Variants in PRX observed in about 807,000 individuals in gnomAD.
PRX encodes the protein periaxin.
In PRX, 24 loss-of-function variants were observed where a neutral mutation model predicts 29.6. That is an observed-to-expected ratio of 0.81 (90% CI 0.59 to 1.14). PRX has a LOEUF of 1.14. Among genes scored for constraint, PRX ranks in the 50% most tolerant of loss-of-function variants. The pLI is 0.00. For synonymous variants in PRX, 772 were observed against 831.7 expected (o/e 0.93, Z 1.24); for missense variants, 1,838 against 1,926.4 (o/e 0.95, Z 0.86).
chr19:40,398,727 C>A lies in PRX; in HGVS notation c.274G>T (p.Val92Phe). 6.2e-7 allele frequency: 1 copy of A among 1,614,096 alleles called. No homozygotes were observed. The highest frequency in any genetic ancestry group is 8.5e-7 in the Non-Finnish European group (1 of 1,179,974). The change falls in exon 6 of 7, where the codon GTC (valine) becomes TTC (phenylalanine). Residue 92 changes from valine to phenylalanine, a missense_variant. Around this residue, in one of 3 missense-constraint regions of PRX, gnomAD observed 666 missense variants for 665.0 expected, o/e 1.00. Transcript: ENST00000324001. The surrounding 1 kb of genome is among the most constrained non-coding windows in gnomAD (Gnocchi z 6.3). ...ACAGTGCGCTTCAGGCAGAAGGAGA[C>A]TTTGTAAGGCTCGGCGCATTGCAGC... ...RLLQCAEPYK[V>F]SFCLKRTVPT... is the part of the protein sequence containing the mutation.
chr19:40,395,378 A>G lies in PRX; in HGVS notation c.2974T>C (p.Ser992Pro), dbSNP rs1439399777. Residue 992 changes from serine (S) to proline (P), a missense_variant, in exon 7 of 7, where the codon TCC (serine) becomes CCC (proline). By Grantham distance (74) the Ser-to-Pro change is moderately conservative (BLOSUM62 -1). Transcript: ENST00000324001. Reference protein sequence around the residue: ...EAGLLPALDLSIPQLSLDAHL... With the variant: ...EAGLLPALDLPIPQLSLDAHL... ...GCATCCAGGCTGAGCTGTGGGATGG[A>G]CAGATCGAGGGCAGGCAGCAGGCCT... The G allele has an allele frequency of 6.2e-7, 1 of 1,613,608 alleles. No individual in the cohort carries two copies. Among genetic ancestry groups the G allele is most frequent in the Non-Finnish European group, 8.5e-7 (1 of 1,179,998 alleles).
At chr19:40,413,592 T>C (rs779164044), upstream of PRX, among the ~76,000 whole-genome samples, 106 of 152,280 alleles carry the variant, frequency 7.0e-4, 1 homozygote, top group Non-Finnish European at 9.3e-4. Flanking sequence ...ATCTCTGCCA[T>C]GAGCTCAGCT....
In PRX at chr19:40,397,048, T is replaced by C. The variant is rs1486252522; in HGVS notation, c.1304A>G (p.Lys435Arg). ...LGIGVSGPEVKVPKGPEVKLP... is the reference protein window; with the variant it reads ...LGIGVSGPEVRVPKGPEVKLP... ...CTTCACTTCAGGTCCCTTGGGCACCTTGACCTCGGGCCCTGACACTCCGAT... is the reference window on the plus strand; with the variant it reads ...CTTCACTTCAGGTCCCTTGGGCACCCTGACCTCGGGCCCTGACACTCCGAT... The change falls in exon 7 of 7, where the codon AAG becomes AGG. Residue 435 changes from lysine to arginine, a missense_variant. Lys to Arg is a conservative substitution (Grantham distance 26, BLOSUM62 2). Around this residue, in one of 3 missense-constraint regions of PRX, gnomAD observed 666 missense variants for 665.0 expected, o/e 1.00. Transcript: ENST00000324001. 1 of 1,614,094 alleles carries C rather than the reference T, an allele frequency of 6.2e-7. No homozygotes were observed. Among genetic ancestry groups the C allele is most frequent in the South Asian group, 1.1e-5 (1 of 91,084 alleles).
At chr19:40,407,703 C>T (rs1030362093) in intron 4 of PRX, 2 of 706,576 alleles carry the variant, frequency 2.8e-6, no homozygotes, top group African/African-American at 1.7e-5. Context: ...GAGTCTTAGC[C>T]TGTGCCAGAT....
At chr19:40,405,624 CTCTTTTTTTTTTTTT>C (rs959833098) in intron 4 of PRX, among the ~76,000 whole-genome samples, 3 of 118,590 alleles carry the variant, frequency 2.5e-5, no homozygotes, top group African/African-American at 9.7e-5. Context: ...TGTGCAGAAT[CTCTTTTTTTTTTTTT>C]TTTTTTTTTT....
Position 40,397,334 on chromosome 19 carries a change from G to C in PRX, c.1018C>G (p.Pro340Ala). ...APTVGVDLAL[P>A]GAEVEARGEA... is the part of the protein sequence containing the mutation. ...CCCCGGGCCTCCACCTCTGCACCCG[G>C]CAAGGCCAGGTCCACCCCCACAGTC... Residue 340 changes from proline (P) to alanine (A), a missense_variant, in exon 7 of 7, where the codon CCG (proline) becomes GCG (alanine). This residue lies in a region of PRX where 666 missense variants were observed against 665.0 expected (regional missense o/e 1.00). Coordinates refer to ENST00000324001, the MANE Select transcript of PRX (RefSeq NM_181882.3). 1 of 1,613,036 alleles carries C rather than the reference G, an allele frequency of 6.2e-7. No individual in the cohort carries two copies. The highest frequency in any genetic ancestry group is 8.5e-7 in the Non-Finnish European group (1 of 1,179,940).
intron 5 of PRX, among the ~76,000 whole-genome samples, chr19:40,402,542 C>T (rs919016779): frequency 1.3e-5 from 2 of 148,792 alleles, no homozygotes; most frequent in African/African-American, 5.0e-5. Flanking sequence ...GAGGCCGAGG[C>T]GGGCAGATCA....
At position 40,393,932 on chromosome 19, in the gene PRX, A is replaced by G. The variant is rs952165500; in HGVS notation, c.*34T>C. ...ACAACAGCGAGGGGGTAGAGAAAGGAAGGCAAGAAGGGATCCCCATCTGAC... is the reference window on the plus strand; with the variant it reads ...ACAACAGCGAGGGGGTAGAGAAAGGGAGGCAAGAAGGGATCCCCATCTGAC... On this transcript the variant is annotated 3_prime_UTR_variant, in exon 7 of 7. Coordinates refer to ENST00000324001, the MANE Select transcript of PRX (RefSeq NM_181882.3). 6.2e-7 allele frequency: 1 copy of G among 1,605,540 alleles called. No homozygotes were observed. The highest frequency in any genetic ancestry group is 8.5e-7 in the Non-Finnish European group (1 of 1,179,614).
intron 5 of PRX, among the ~76,000 whole-genome samples, chr19:40,402,228 C>G (rs1416598055): frequency 6.6e-6 from 1 of 151,302 alleles, no homozygotes; most frequent in Non-Finnish European, 1.5e-5. Flanking sequence ...GTGGCGGGTG[C>G]CTGTAGTCCC....
chr19:40,407,210 C>T (rs73046373), intron 4 of PRX, among the ~76,000 whole-genome samples: 21,301 of 123,728 alleles, frequency 0.17, 1,990 homozygotes, highest in African/African-American at 0.37. Flanking sequence ...CATTATATGC[C>T]CTTGTGTGTG....
Position 40,398,487 on chromosome 19 carries a change from AG to A in PRX, c.381+132del. The A allele has an allele frequency of 1.3e-6, 2 of 1,548,598 alleles. No individual in the cohort carries two copies. The highest frequency in any genetic ancestry group is 4.5e-5 in the East Asian group (2 of 44,246). On this transcript the variant is annotated intron_variant, in intron 6 of 6. Transcript: ENST00000324001. This position sits in a 1 kb window ranked among gnomAD's most constrained non-coding sequence, Gnocchi z 6.3. Reference sequence around the variant, plus strand: ...GTTTGGGGCAGAGAGGAAGGGGCAGAGGGTGGAATTAGCTTGGGTTAGTGAC... The same window carrying A: ...GTTTGGGGCAGAGAGGAAGGGGCAGAGGTGGAATTAGCTTGGGTTAGTGAC...
rs368874138 is a variant in PRX, at chr19:40,397,711, G to T, written c.641C>A (p.Pro214His). Residue 214 changes from proline to histidine, a missense_variant, in exon 7 of 7, where the codon CCC becomes CAC. Pro to His is a moderately conservative substitution (Grantham distance 77, BLOSUM62 -2). This residue lies in a region of PRX where 666 missense variants were observed against 665.0 expected (regional missense o/e 1.00). Coordinates refer to ENST00000324001, the MANE Select transcript of PRX (RefSeq NM_181882.3). ...CTCAGCCTCCACCTTGGCTTTCCTG[G>T]GGGGAGGAGCGGCGGCGGCCAGCCG... ...AARLAAAAPP[P>H]RKAKVEAEVA... The T allele has an allele frequency of 1.3e-5, 20 of 1,561,896 alleles. No homozygotes were observed. In the East Asian group the frequency reaches 1.6e-4, roughly 13 times the overall value.
rs2079440933 is a variant in PRX at position 40,396,656 on chromosome 19, C to G, written c.1696G>C (p.Glu566Gln). 3 of 1,614,166 alleles carry G rather than the reference C, an allele frequency of 1.9e-6. No individual in the cohort carries two copies. Among genetic ancestry groups the G allele is most frequent in the Non-Finnish European group, 2.5e-6 (3 of 1,180,014 alleles). Residue 566 changes from glutamate to glutamine, a missense_variant, in exon 7 of 7, where the codon GAG (glutamate) becomes CAG (glutamine). By Grantham distance (29) the Glu-to-Gln change is conservative. Coordinates refer to ENST00000324001, the MANE Select transcript of PRX (RefSeq NM_181882.3). ...AGCTGCACCTCTGGAAGCCGCACCT[C>G]TGGCACAGCCACCTCTGACACCTCT... is the stretch of plus-strand genomic sequence containing the variant. ...LPEVSEVAVP[E>Q]VRLPEVQLPK...
intron 4 of PRX, among the ~76,000 whole-genome samples, chr19:40,407,253 T>TGTGTGTGTG (rs1303300315): frequency 6.1e-5 from 9 of 147,094 alleles, no homozygotes; most frequent in Admixed American, 2.7e-4. Flanking sequence ...TGTGTGTGTG[T>TGTGTGTGTG]TTAGACAGGG....
In PRX at chr19:40,394,240, C is replaced by T. The variant is rs377009047; in HGVS notation, c.4112G>A (p.Arg1371Gln). 4.9e-5 allele frequency: 79 copies of T among 1,605,482 alleles called. No homozygotes were observed. The highest frequency in any genetic ancestry group is 6.7e-5 in the African/African-American group (5 of 74,748). ...EGSGEGASGR[R>Q]GRVRVRLPRV... ...TGGCAAGCGGACCCGGACCCGGCCC[C>T]GGCGACCCGAGGCCCCTTCCCCACT... Residue 1371 changes from arginine (R) to glutamine (Q), a missense_variant, in exon 7 of 7, where the codon CGG becomes CAG. By Grantham distance (43) the Arg-to-Gln change is conservative. Transcript: ENST00000324001. The surrounding 1 kb of genome is among the most constrained non-coding windows in gnomAD (Gnocchi z 5.8).
intron 1 of PRX, among the ~76,000 whole-genome samples, chr19:40,408,624 A>T (rs975199954): frequency 6.6e-6 from 1 of 152,158 alleles, no homozygotes. Flanking sequence ...GAGGGGGCCA[A>T]ATTCACTAAA....
chr19:40,403,869 A>C lies in PRX; in HGVS notation c.28-7T>G. 6.2e-7 allele frequency: 1 copy of C among 1,606,708 alleles called. No individual in the cohort carries two copies. Among genetic ancestry groups the C allele is most frequent in the Non-Finnish European group, 8.5e-7 (1 of 1,178,902 alleles). ...ACTCCGCCCGCCTCAGCTCCTGCAG[A>C]GGGCGGCGAGGTGTCGCGTTGGGGC... On this transcript the variant is annotated splice_region_variant and splice_polypyrimidine_tract_variant and intron_variant, in intron 4 of 6. Transcript: ENST00000324001.
chr19:40,396,584 C>T lies in PRX; in HGVS notation c.1768G>A (p.Val590Met), dbSNP rs1278199971. 2.5e-6 allele frequency: 4 copies of T among 1,613,864 alleles called. No homozygotes were observed. The highest frequency in any genetic ancestry group is 3.4e-6 in the Non-Finnish European group (4 of 1,179,960). Residue 590 changes from valine to methionine, a missense_variant, in exon 7 of 7, where the codon GTG (valine) becomes ATG (methionine). Physicochemically the swap from Val to Met is conservative, Grantham distance 21. This residue lies in a region of PRX where 1,143 missense variants were observed against 1,193.0 expected (regional missense o/e 0.96). Transcript: ENST00000324001. Reference sequence around the variant, plus strand: ...ATCTCAGGAAGTTTCATCTCAGGCACCTTTGGAAGCTTCATCTCAGGGACT... The same window carrying T: ...ATCTCAGGAAGTTTCATCTCAGGCATCTTTGGAAGCTTCATCTCAGGGACT... ...MKVPEMKLPKVPEMKLPEMKL... is the reference protein window; with the variant it reads ...MKVPEMKLPKMPEMKLPEMKL...
At chr19:40,401,256 G>A (rs1317094530) in intron 5 of PRX, among the ~76,000 whole-genome samples, 1 of 152,018 alleles carries the variant, frequency 6.6e-6, no homozygotes, top group African/African-American at 2.4e-5. Context: ...TGATCTCCCT[G>A]CTCCTAAACC....
Sources: allele counts gnomAD v4.1 joint callset (sites outside exome capture counted in the v4.1 genomes callset), GRCh38; gene constraint gnomAD v4.1.1; regional missense constraint gnomAD v4.1.1; non-coding constraint Gnocchi (gnomAD v3.1); transcripts MANE v1.5; gene names NCBI Gene and HGNC (gene_info 2026-07-23, HGNC 2026-07-21).